Variants in NBPF10 observed in about 807,000 individuals in gnomAD.
NBPF10 encodes the protein NBPF family member NBPF10.
Under a neutral mutation model 77.9 loss-of-function variants are expected in NBPF10, and 63 were observed. That is an observed-to-expected ratio of 0.81 (90% confidence interval 0.66 to 1.00). The LOEUF is 1.00. NBPF10 is among the 50% of genes least tolerant of loss of function. NBPF10 has a pLI of 0.00. For synonymous variants in NBPF10, 146 were observed against 264.5 expected (o/e 0.55, Z 4.35); for missense variants, 522 against 679.8 (o/e 0.77, Z 2.58).
intron 5 of NBPF10, among the ~76,000 whole-genome samples, chr1:146,138,901 C>T (rs587684967): frequency 7.0e-6 from 1 of 143,620 alleles, no homozygotes; most frequent in African/African-American, 2.4e-5. Flanking sequence ...TCTCATCCCT[C>T]AGCCTGCCAA....
At chr1:146,125,102 G>A (rs879999243) in intron 15 of NBPF10, among the ~76,000 whole-genome samples, 10 of 58,454 alleles carry the variant, frequency 1.7e-4, no homozygotes, top group South Asian at 6.0e-4. Flanking sequence ...AGCTCAGCGA[G>A]TTGGCCGGGT....
chr1:146,123,828 G>C (rs1658370770), intron 17 of NBPF10, 99 bp downstream of exon 17: 2 of 378,488 alleles, frequency 5.3e-6, no homozygotes, highest in Non-Finnish European at 8.9e-6. Flanking sequence ...AGGCTTGGTT[G>C]AAGAGATGTA....
intron 14 of NBPF10, 147 bp downstream of exon 14, chr1:146,126,089 C>T (rs373813792): frequency 9.3e-6 from 6 of 645,406 alleles, no homozygotes; most frequent in South Asian, 3.8e-5. Flanking sequence ...CCAAGTGGAA[C>T]TAGAGTTTCA....
intron 71 of NBPF10, among the ~76,000 whole-genome samples, chr1:146,081,003 A>T (rs1656253617): frequency 3.7e-5 from 3 of 80,656 alleles, no homozygotes; most frequent in African/African-American, 9.8e-5. Context: ...ACACACACAC[A>T]CACACACACA....
At chr1:146,121,864 G>C (rs1553788681) in intron 19 of NBPF10, among the ~76,000 whole-genome samples, 194 bp from the exon 20 acceptor site, 3 of 52,944 alleles carry the variant, frequency 5.7e-5, no homozygotes, top group Admixed American at 1.9e-4. Flanking sequence ...GAAAGACAGA[G>C]AGAGAGAGAC....
chr1:146,125,816 A>G (rs1658536557), intron 14 of NBPF10, among the ~76,000 whole-genome samples: 1 of 149,082 alleles, frequency 6.7e-6, no homozygotes, highest in Non-Finnish European at 1.5e-5. Flanking sequence ...ATGCCCCCAA[A>G]TGGTTGCTAG....
chr1:146,126,369 G>T (rs782605368), exon 14 of NBPF10: 10 of 1,386,018 alleles, frequency 7.2e-6, no homozygotes, highest in South Asian at 1.2e-5. Context: ...AGTCCTGCAA[G>T]ACTTCAGGCC....
Position 146,142,713 on chromosome 1 carries a change from C to T in NBPF10, c.215G>A (p.Arg72Lys), listed in dbSNP as rs782346633. 2.4e-5 allele frequency: 33 copies of T among 1,362,610 alleles called. 7 individuals carry two copies. The East Asian group carries it at 8.9e-4, about 37-fold the overall frequency. 84.4% of individuals were successfully genotyped at this position (1,362,610 alleles called of 1,614,324 possible). Residue 72 changes from arginine to lysine, a missense_variant, in exon 2 of 90, where the codon AGG becomes AAG. Coordinates refer to ENST00000583866, the Ensembl canonical transcript of NBPF10. ...CTCCTCCTTGAACTGTCGCTCATTCCTCAGCATAAATTTTATGAGGTCTTT... is the reference window on the plus strand; with the variant it reads ...CTCCTCCTTGAACTGTCGCTCATTCTTCAGCATAAATTTTATGAGGTCTTT...
At chr1:146,102,198 G>GC in intron 44 of NBPF10, among the ~76,000 whole-genome samples, 1 of 30,060 alleles carries the variant, frequency 3.3e-5, no homozygotes, top group Admixed American at 4.4e-4. Flanking sequence ...TAAAGCAAAT[G>GC]CCCCCAAATG....
chr1:146,126,694 G>T (rs1386236736), intron 13 of NBPF10, among the ~76,000 whole-genome samples: 2 of 146,260 alleles, frequency 1.4e-5, no homozygotes, highest in Non-Finnish European at 3.0e-5. Flanking sequence ...AGGACACTCT[G>T]TATTTGTGCT....
intron 58 of NBPF10, among the ~76,000 whole-genome samples, chr1:146,091,146 GTTATCCCAAAATCAT>G (rs1464820592): frequency 2.9e-5 from 2 of 67,946 alleles, no homozygotes; most frequent in Non-Finnish European, 5.3e-5. Flanking sequence ...CTGGTACATC[GTTATCCCAAAATCAT>G]TTATCCCAAG....
intron 1 of NBPF10, among the ~76,000 whole-genome samples, chr1:146,143,752 TTTTG>T (rs782346260): frequency 1.5e-3 from 206 of 134,414 alleles, no homozygotes; most frequent in African/African-American, 4.8e-3. Context: ...TTATTTATCG[TTTTG>T]TTTGTTTGTT....
At chr1:146,137,547 C>T (rs3969716) in intron 6 of NBPF10, among the ~76,000 whole-genome samples, 4 of 97,760 alleles carry the variant, frequency 4.1e-5, no homozygotes, top group Admixed American at 1.1e-4. Flanking sequence ...CCTGCCACCA[C>T]GCCCATCTAC....
rs782783988 is a variant in NBPF10 at position 146,141,689 on chromosome 1, C to T, written c.408G>A (p.Pro136=). The T allele has an allele frequency of 6.9e-5, 86 of 1,245,226 alleles. 23 individuals carry two copies. The highest frequency in any genetic ancestry group is 2.5e-4 in the Middle Eastern group (1 of 3,964). 77.1% of individuals were successfully genotyped at this position (1,245,226 alleles called of 1,614,324 possible). The change falls in exon 3 of 90, where the codon CCG becomes CCA. Residue 136 remains proline, a synonymous_variant. Coordinates refer to ENST00000583866, the Ensembl canonical transcript of NBPF10. ...GGAGGTCCTGCCCCTGGGACTTGTC[C>T]GGCTCATCCGGAGTGAGGAGGGCCT...
chr1:146,067,571 T>A (rs1443240190), intron 88 of NBPF10, among the ~76,000 whole-genome samples: 4 of 150,226 alleles, frequency 2.7e-5, no homozygotes, highest in Admixed American at 2.0e-4. Context: ...CCAATCAACG[T>A]AAAGCAAATA....
intron 9 of NBPF10, among the ~76,000 whole-genome samples, 179 bp downstream of exon 9, chr1:146,134,014 A>G (rs1379588043): frequency 1.4e-3 from 218 of 150,840 alleles, no homozygotes; most frequent in Non-Finnish European, 2.4e-3. Context: ...CATGACACTC[A>G]GCACACATAG....
chr1:146,126,473 G>C (rs1392309266), intron 13 of NBPF10, 65 bp from the exon 14 acceptor site: 21 of 761,682 alleles, frequency 2.8e-5, no homozygotes, highest in African/African-American at 1.4e-4. Flanking sequence ...GCCCCAGCTA[G>C]ATTTCATGGC....
chr1:146,066,393 C>T (rs782172678), exon 90 of NBPF10: 1 of 944,184 alleles, frequency 1.1e-6, no homozygotes, highest in Non-Finnish European at 1.5e-6. Flanking sequence ...ACCTATTGTC[C>T]ACGTAAAGGG....
chr1:146,067,166 T>C lies in NBPF10; in HGVS notation c.11144+14A>G, dbSNP rs1479220794. 3.7e-5 allele frequency: 23 copies of C among 616,920 alleles called. 5 individuals are homozygous for C. Among genetic ancestry groups the C allele is most frequent in the South Asian group, 1.3e-4 (8 of 61,916 alleles). The allele number at this position is 616,920 out of a possible 1,614,324, so 38.2% of individuals were successfully genotyped here. A position where few individuals can be genotyped will look rare whatever the true frequency, so the allele number is the denominator to read the frequency against. ...TTAACACAGAACTAAGGATCCACAA[T>C]TGCTGAAAGTCACCTGGGGCATGGT... On this transcript the variant is annotated intron_variant, in intron 89 of 89. Coordinates refer to ENST00000583866, the Ensembl canonical transcript of NBPF10.
Sources: gnomAD v4.1 joint callset for allele counts (sites outside exome capture counted in the v4.1 genomes callset) on GRCh38, gnomAD v4.1.1 for gene constraint, MANE v1.5 for transcripts, NCBI Gene and HGNC (gene_info 2026-07-23, HGNC 2026-07-21) for gene names.